Variants in PCDHA1 observed in about 807,000 individuals in gnomAD.
PCDHA1 encodes the protein protocadherin alpha 1.
PCDHA1 carries 42 observed loss-of-function variants against 61.3 expected under a neutral mutation model. The ratio of observed to expected loss-of-function variants is 0.69; its 90% confidence interval spans 0.54 to 0.89. PCDHA1 has a LOEUF of 0.89. Ranked by LOEUF, PCDHA1 falls within the 40% of genes least tolerant of loss-of-function variation. The probability of loss-of-function intolerance (pLI) is 0.00; values close to 1 mark genes in which losing one functional copy is unlikely to be tolerated. For missense variants in PCDHA1, 1,256 were observed against 1,235.3 expected, an observed-to-expected ratio of 1.02 and a Z score of -0.25; for synonymous variants, 610 against 553.8, an observed-to-expected ratio of 1.10 and a Z score of -1.43.
chr5:140,953,187 T>A (rs2094856489), intron 1 of PCDHA1, among the ~76,000 whole-genome samples: 1 of 152,148 alleles, frequency 6.6e-6, no homozygotes, highest in South Asian at 2.1e-4. Flanking sequence ...AGAATAAACT[T>A]GATTAGACTA....
At chr5:140,998,968 T>A (rs2097841777) in intron 3 of PCDHA1, among the ~76,000 whole-genome samples, 1 of 152,238 alleles carries the variant, frequency 6.6e-6, no homozygotes, top group Non-Finnish European at 1.5e-5. Context: ...TCAAATAGTA[T>A]CCTAGAAAAT....
chr5:140,856,146 C>CA, intron 1 of PCDHA1: 2 of 1,598,308 alleles, frequency 1.3e-6, no homozygotes, highest in Non-Finnish European at 1.7e-6. Context: ...CTCCACTACT[C>CA]AGTCTACGAG....
At chr5:140,985,607 C>T (rs1554247195) in intron 3 of PCDHA1, among the ~76,000 whole-genome samples, 1 of 152,156 alleles carries the variant, frequency 6.6e-6, no homozygotes, top group Non-Finnish European at 1.5e-5. Flanking sequence ...GAGCCCTTTC[C>T]GTGAACCAGC....
chr5:140,803,297 G>C (rs1554122693), intron 1 of PCDHA1: 5 of 1,614,110 alleles, frequency 3.1e-6, no homozygotes, highest in Non-Finnish European at 4.2e-6. Context: ...ACGTGTACTT[G>C]ATCGTCGCCA....
At chr5:141,005,562 C>T (rs928721111) in intron 3 of PCDHA1, among the ~76,000 whole-genome samples, 2 of 151,226 alleles carry the variant, frequency 1.3e-5, no homozygotes, top group Admixed American at 6.6e-5. Flanking sequence ...ATTAGCCGGG[C>T]ATGGTGGCGC....
At position 140,948,398 on chromosome 5, in the gene PCDHA1, T is replaced by G. The variant is rs147325819; in HGVS notation, c.2395-30551T>G. 6.9e-3 allele frequency among the ~76,000 whole-genome samples: 1,051 copies of G among 151,748 alleles called. 6 individuals carry two copies. The highest frequency in any genetic ancestry group is 0.017 in the Middle Eastern group (5 of 294). Reference sequence around the variant, plus strand: ...CCTTCCTCTATTTTCTGAAAGGTTGTGTAATATTGGTGTTATTTCTTCCTT... The same window carrying G: ...CCTTCCTCTATTTTCTGAAAGGTTGGGTAATATTGGTGTTATTTCTTCCTT... On this transcript the variant is annotated intron_variant, in intron 1 of 3. Transcript: ENST00000504120.
At chr5:140,875,935 G>A (rs781964808) in intron 1 of PCDHA1, 14 of 1,614,210 alleles carry the variant, frequency 8.7e-6, no homozygotes, top group African/African-American at 1.3e-5. Flanking sequence ...TTTTCCTCTA[G>A]AGGGCGCTTC....
chr5:140,869,200 T>C, intron 1 of PCDHA1: 1 of 1,614,000 alleles, frequency 6.2e-7, no homozygotes, highest in East Asian at 2.2e-5. Flanking sequence ...CCAGCTCCAC[T>C]ACTCCGTCTC....
At position 140,906,523 on chromosome 5, in the gene PCDHA1, C is replaced by T. The variant is rs145617697; in HGVS notation, c.2395-72426C>T. Among the ~76,000 whole-genome samples, 1,221 of 152,284 alleles carry T rather than the reference C, an allele frequency of 8.0e-3. 6 individuals are homozygous for T. The highest frequency in any genetic ancestry group is 0.019 in the African/African-American group (786 of 41,540). On this transcript the variant is annotated intron_variant, in intron 1 of 3. Transcript: ENST00000504120. ...TTAACAAAGAAGGAGGAAATACTCA[C>T]GACAATTAAAATCCTCATTTCTGCA...
chr5:140,821,985 C>G (rs377051395), intron 1 of PCDHA1: 4 of 1,614,156 alleles, frequency 2.5e-6, no homozygotes, highest in Non-Finnish European at 3.4e-6. Context: ...CCAAGGGCCG[C>G]GGGGACCTTC....
chr5:140,939,803 T>C (rs2092462819), intron 1 of PCDHA1, among the ~76,000 whole-genome samples: 1 of 152,228 alleles, frequency 6.6e-6, no homozygotes, highest in African/African-American at 2.4e-5. Flanking sequence ...ATGTTCTGCA[T>C]GTTCAAGAAA....
At chr5:140,801,122 T>G in intron 1 of PCDHA1, 1 of 1,517,142 alleles carries the variant, frequency 6.6e-7, no homozygotes, top group Non-Finnish European at 8.8e-7. Context: ...GTTTAAGAAA[T>G]GAAGATAAGG....
At position 140,792,178 on chromosome 5, in the gene PCDHA1, ATTGCT is replaced by A. The variant is rs369732156; in HGVS notation, c.2394+3496_2394+3500del. ...CTTCCAGCTTCTGGTAGCTCTTGGC[ATTGCT>A]TGGCTTGTGGCAGCATAACTCCAGT... On this transcript the variant is annotated intron_variant, in intron 1 of 3. Transcript: ENST00000504120. Among the ~76,000 whole-genome samples the A allele has an allele frequency of 1.1e-4, 17 of 152,260 alleles. No homozygotes were observed. In the East Asian group the frequency reaches 2.3e-3, roughly 21 times the overall value.
chr5:140,833,293 A>G (rs1772396864), intron 1 of PCDHA1, among the ~76,000 whole-genome samples: 2 of 152,200 alleles, frequency 1.3e-5, no homozygotes, highest in Non-Finnish European at 2.9e-5. Context: ...AAGCATCTGA[A>G]TACAGACATA....
intron 1 of PCDHA1, chr5:140,927,139 C>T: frequency 6.2e-7 from 1 of 1,614,046 alleles, no homozygotes; most frequent in Non-Finnish European, 8.5e-7. Context: ...GCCGGCGGAC[C>T]GCGAACAGCT....
At chr5:140,923,266 T>C (rs184590818) in intron 1 of PCDHA1, among the ~76,000 whole-genome samples, 1 of 152,284 alleles carries the variant, frequency 6.6e-6, no homozygotes, top group African/African-American at 2.4e-5. Context: ...TAGTGAGACC[T>C]TGTCTCTACA....
intron 1 of PCDHA1, chr5:140,830,046 A>G: frequency 6.2e-7 from 1 of 1,613,718 alleles, no homozygotes; most frequent in Non-Finnish European, 8.5e-7. Context: ...GTGCTGGTGA[A>G]AGACCACGGT....
At chr5:141,008,341 T>C (rs1307430556) in intron 3 of PCDHA1, among the ~76,000 whole-genome samples, 2 of 152,132 alleles carry the variant, frequency 1.3e-5, no homozygotes, top group African/African-American at 4.8e-5. Context: ...TGATGGAGCT[T>C]TTCACGTGTC....
chr5:140,885,642 A>G (rs2060672494), intron 1 of PCDHA1, among the ~76,000 whole-genome samples: 1 of 152,170 alleles, frequency 6.6e-6, no homozygotes, highest in Non-Finnish European at 1.5e-5. Flanking sequence ...CCTTCCAAGT[A>G]TTTTGGAACC....
Sources: gnomAD v4.1 joint callset for allele counts (sites outside exome capture counted in the v4.1 genomes callset) on GRCh38, gnomAD v4.1.1 for gene constraint, MANE v1.5 for transcripts, NCBI Gene and HGNC (gene_info 2026-07-23, HGNC 2026-07-21) for gene names.